TCERG1: variants seen among roughly 807,000 people sequenced by gnomAD.
The protein encoded by TCERG1 is transcription elongation regulator 1.
TCERG1 carries 37 observed loss-of-function variants against 144.7 expected under a neutral mutation model. The ratio of observed to expected loss-of-function variants is 0.26; its 90% CI spans 0.20 to 0.34. The LOEUF (loss-of-function observed/expected upper bound fraction) is 0.34. TCERG1 is among the 10% of genes least tolerant of loss of function. The probability of loss-of-function intolerance (pLI) is 1.00; values close to 1 mark genes in which losing one functional copy is unlikely to be tolerated. For missense variants in TCERG1, 1,027 were observed against 1,380.7 expected (o/e 0.74, Z 4.06); for synonymous variants, 492 against 458.2 (o/e 1.07, Z -0.94).
In TCERG1 at chr5:146,466,020, C is replaced by CAAAAA. The variant is rs57028887; in HGVS notation, c.1135+2241_1135+2245dup. 5.4e-3 allele frequency among the ~76,000 whole-genome samples: 445 copies of CAAAAA among 82,042 alleles called. 5 individuals are homozygous for CAAAAA. Among genetic ancestry groups the CAAAAA allele is most frequent in the African/African-American group, 0.017 (417 of 24,058 alleles). The allele number at this position is 82,042 out of a possible 152,430, so 53.8% of individuals were successfully genotyped here. A position where few individuals can be genotyped will look rare whatever the true frequency, so the allele number is the denominator to read the frequency against. On this transcript the variant is annotated intron_variant, in intron 5 of 22. Coordinates refer to ENST00000679501, the MANE Select transcript of TCERG1 (RefSeq NM_001382548.1). ...GGGCAACAAGAGCGAAACTCTGTCT[C>CAAAAA]AAAAAAAAAAAAAAAAAAGATATAT...
intron 19 of TCERG1, among the ~76,000 whole-genome samples, chr5:146,506,540 T>G (rs900210648): frequency 3.3e-5 from 5 of 152,242 alleles, no homozygotes; most frequent in African/African-American, 1.2e-4. Flanking sequence ...CTCTCAGTTA[T>G]TTTGAATGTA....
At position 146,507,336 on chromosome 5, in the gene TCERG1, T is replaced by A. The variant is rs983464164; in HGVS notation, c.2961+129T>A. The A allele has an allele frequency of 3.5e-6, 3 of 854,812 alleles. No homozygotes were observed. The African/African-American group carries it at 5.3e-5, about 15-fold the overall frequency. The allele number at this position is 854,812 out of a possible 1,614,324, so 53.0% of individuals were successfully genotyped here. The stretch of plus-strand genomic sequence containing the variant: ...ATTACTGGAATGCATCTTATGACAA[T>A]TCTCTGATTTTAAAAAATTATGGTA... On this transcript the variant is annotated intron_variant, in intron 20 of 22. Coordinates refer to ENST00000679501, the MANE Select transcript of TCERG1 (RefSeq NM_001382548.1). The surrounding 1 kb of genome is among the most constrained non-coding windows in gnomAD (Gnocchi z 4.6).
chr5:146,506,910 A>T, intron 19 of TCERG1, 118 bp from the exon 20 acceptor site: 2 of 738,538 alleles, frequency 2.7e-6, no homozygotes. Context: ...CTGTTGATAG[A>T]CACTTAGGTT....
chr5:146,488,526 G>C (rs1304319142), intron 15 of TCERG1, among the ~76,000 whole-genome samples: 1 of 152,120 alleles, frequency 6.6e-6, no homozygotes, highest in East Asian at 1.9e-4. Context: ...ACAGCAGTGA[G>C]GTGTCTCACT....
rs147219710 is a variant in TCERG1 at position 146,465,801 on chromosome 5, G to A, written c.1135+2008G>A. On this transcript the variant is annotated intron_variant, in intron 5 of 22. Coordinates refer to ENST00000679501, the MANE Select transcript of TCERG1 (RefSeq NM_001382548.1). ...AATCCCAGCACTTTGGGAGGCCGAG[G>A]TGGGTGGATCAGCTGAGGTCAGGAG... Among the ~76,000 whole-genome samples the A allele has an allele frequency of 4.1e-3, 627 of 152,256 alleles. 2 individuals are homozygous for A. The highest frequency in any genetic ancestry group is 0.014 in the African/African-American group (594 of 41,552).
intron 3 of TCERG1, among the ~76,000 whole-genome samples, chr5:146,458,636 C>G (rs1187131042): frequency 6.6e-6 from 1 of 151,782 alleles, no homozygotes; most frequent in Admixed American, 6.6e-5. Context: ...CCACACCTGG[C>G]TAATTTTTTT....
rs748207521 is a variant in TCERG1, at chr5:146,463,812, A to G, written c.1135+19A>G. Reference sequence around the variant, plus strand: ...CTTCCAGGTAAACCAACAGATTATAATGGTCTTTCCAGCTATGTTTTCATA... The same window carrying G: ...CTTCCAGGTAAACCAACAGATTATAGTGGTCTTTCCAGCTATGTTTTCATA... On this transcript the variant is annotated intron_variant, in intron 5 of 22. Coordinates refer to ENST00000679501, the MANE Select transcript of TCERG1 (RefSeq NM_001382548.1). 3.7e-6 allele frequency: 6 copies of G among 1,613,848 alleles called. No individual in the cohort carries two copies. In the South Asian group the frequency reaches 6.6e-5, roughly 18 times the overall value.
intron 15 of TCERG1, among the ~76,000 whole-genome samples, chr5:146,483,975 G>A (rs1765590276): frequency 2.0e-5 from 3 of 152,094 alleles, no homozygotes; most frequent in African/African-American, 7.2e-5. Flanking sequence ...GCAAAATACA[G>A]ATGAGTAAAA....
chr5:146,483,297 AGTT>A (rs925941821), intron 14 of TCERG1, among the ~76,000 whole-genome samples: 1 of 152,200 alleles, frequency 6.6e-6, no homozygotes, highest in African/African-American at 2.4e-5. Flanking sequence ...ACACAGTAGT[AGTT>A]ATTTTAATGA....
chr5:146,503,518 G>C lies in TCERG1; in HGVS notation c.2577G>C (p.Gln859His). ...SSSMREDLFKQYIEKIAKNLD... is the reference protein window; with the variant it reads ...SSSMREDLFKHYIEKIAKNLD... ...CAATGAGAGAAGACCTTTTCAAACA[G>C]TACATTGAAAAAATAGCCAAGGTAA... The change falls in exon 18 of 23, where the codon CAG becomes CAC. Residue 859 changes from glutamine (Q) to histidine (H), a missense_variant. Physicochemically the swap from Gln to His is conservative, Grantham distance 24. This residue lies in a region of TCERG1 where 482 missense variants were observed against 632.6 expected (regional missense o/e 0.76). Transcript: ENST00000679501. 6.2e-7 allele frequency: 1 copy of C among 1,612,990 alleles called. No individual in the cohort carries two copies. The highest frequency in any genetic ancestry group is 8.5e-7 in the Non-Finnish European group (1 of 1,179,596).
At position 146,469,558 on chromosome 5, in the gene TCERG1, A is replaced by G. The variant is rs1204564996; in HGVS notation, c.1213A>G (p.Met405Val). Residue 405 changes from methionine to valine, a missense_variant, in exon 7 of 23, where the codon ATG (methionine) becomes GTG (valine). Physicochemically the swap from Met to Val is conservative, Grantham distance 21 (BLOSUM62 1). Coordinates refer to ENST00000679501, the MANE Select transcript of TCERG1 (RefSeq NM_001382548.1). ...TCTTTTTTTAGGTGTATTGCCAGGAATGGCCCCTCCTATCGTACCCATGAT... is the reference window on the plus strand; with the variant it reads ...TCTTTTTTTAGGTGTATTGCCAGGAGTGGCCCCTCCTATCGTACCCATGAT... The part of the protein sequence containing the change: ...ATTKTGVLPG[M>V]APPIVPMIHP... The G allele has an allele frequency of 1.9e-6, 3 of 1,602,086 alleles. No homozygotes were observed. The highest frequency in any genetic ancestry group is 2.7e-5 in the African/African-American group (2 of 74,498).
chr5:146,475,585 C>T (rs1452613153), intron 9 of TCERG1, among the ~76,000 whole-genome samples: 1 of 150,544 alleles, frequency 6.6e-6, no homozygotes, highest in Non-Finnish European at 1.5e-5. Flanking sequence ...AAATCATTAA[C>T]CCGATTAAAT....
At chr5:146,474,092 T>C (rs1293796943) in intron 9 of TCERG1, among the ~76,000 whole-genome samples, 1 of 152,092 alleles carries the variant, frequency 6.6e-6, no homozygotes, top group Non-Finnish European at 1.5e-5. Context: ...CTGGTGGATC[T>C]GGGCAAAGTC....
intron 5 of TCERG1, among the ~76,000 whole-genome samples, chr5:146,467,288 T>C (rs1201069133): frequency 6.6e-6 from 1 of 152,134 alleles, no homozygotes; most frequent in African/African-American, 2.4e-5. Context: ...TCCTGTCCTT[T>C]AGTGGGGAAA....
At position 146,470,732 on chromosome 5, in the gene TCERG1, T is replaced by C. The variant is rs779542044; in HGVS notation, c.1496T>C (p.Ile499Thr). 2.5e-6 allele frequency: 4 copies of C among 1,610,230 alleles called. No homozygotes were observed. Among genetic ancestry groups the C allele is most frequent in the Non-Finnish European group, 2.5e-6 (3 of 1,178,934 alleles). Residue 499 changes from isoleucine to threonine, a missense_variant, in exon 8 of 23, where the codon ATA (isoleucine) becomes ACA (threonine). By Grantham distance (89) the Ile-to-Thr change is moderately conservative. This residue lies in a region of TCERG1 where 482 missense variants were observed against 632.6 expected (regional missense o/e 0.76). Transcript: ENST00000679501. ...GAGGAGGATCCTAAAGAAGAGCCTATAAAGGAGATAAAGGAGGTAAAGGGC... is the reference window on the plus strand; with the variant it reads ...GAGGAGGATCCTAAAGAAGAGCCTACAAAGGAGATAAAGGAGGTAAAGGGC... ...TEEEDPKEEP[I>T]KEIKEEPKEE...
intron 9 of TCERG1, among the ~76,000 whole-genome samples, chr5:146,474,267 A>T (rs1056884849): frequency 1.3e-5 from 2 of 152,194 alleles, no homozygotes; most frequent in African/African-American, 2.4e-5. Flanking sequence ...GAAGGAAGTC[A>T]CTGCAGATGT....
chr5:146,460,948 G>A lies in TCERG1; in HGVS notation c.892+1611G>A, dbSNP rs140556067. On this transcript the variant is annotated intron_variant, in intron 4 of 22. Transcript: ENST00000679501. Reference sequence around the variant, plus strand: ...CAGTTTTTATGGGAGACCTGTGGTAGTAATGGGAGAAGGGGATTAATAAAA... The same window carrying A: ...CAGTTTTTATGGGAGACCTGTGGTAATAATGGGAGAAGGGGATTAATAAAA... Among the ~76,000 whole-genome samples the A allele has an allele frequency of 7.9e-4, 121 of 152,288 alleles. 1 individual carries two copies. The highest frequency in any genetic ancestry group is 2.6e-3 in the African/African-American group (109 of 41,558).
chr5:146,480,789 A>G (rs2150536383), intron 12 of TCERG1, among the ~76,000 whole-genome samples: 1 of 152,270 alleles, frequency 6.6e-6, no homozygotes, highest in South Asian at 2.1e-4. Flanking sequence ...AATCAGTAGG[A>G]CAACCCCTAT....
chr5:146,474,180 A>G (rs1411978928), intron 9 of TCERG1, among the ~76,000 whole-genome samples: 1 of 152,204 alleles, frequency 6.6e-6, no homozygotes, highest in Non-Finnish European at 1.5e-5. Context: ...GGAGGTCCAG[A>G]TATTAACATT....
Sources: gnomAD v4.1 joint callset for allele counts (sites outside exome capture counted in the v4.1 genomes callset) on GRCh38, gnomAD v4.1.1 for gene constraint, gnomAD v4.1.1 regional missense constraint, Gnocchi (gnomAD v3.1) non-coding constraint, MANE v1.5 for transcripts, NCBI Gene and HGNC (gene_info 2026-07-23, HGNC 2026-07-21) for gene names.